CC2D2A: variants seen among roughly 807,000 people sequenced by gnomAD.
The protein encoded by CC2D2A is coiled-coil and C2 domain-containing protein 2A.
In CC2D2A, 155 loss-of-function variants were observed where a neutral mutation model predicts 212.9. The ratio of observed to expected loss-of-function variants is 0.73; its 90% CI spans 0.64 to 0.83. The LOEUF is 0.83. Among genes scored for constraint, CC2D2A ranks in the 40% least tolerant of loss-of-function variants. CC2D2A has a pLI of 0.00. For synonymous variants in CC2D2A, 667 were observed against 686.5 expected, an observed-to-expected ratio of 0.97 and a Z score of 0.44; for missense variants, 1,856 against 1,956.2, an observed-to-expected ratio of 0.95 and a Z score of 0.97.
chr4:15,534,508 A>G (rs1718017862), intron 14 of CC2D2A, among the ~76,000 whole-genome samples: 1 of 152,136 alleles, frequency 6.6e-6, no homozygotes, highest in Admixed American at 6.5e-5. Flanking sequence ...AGCTTTGATA[A>G]TATTTCTGCT....
chr4:15,481,608 C>T (rs749447500), intron 4 of CC2D2A: 17 of 182,504 alleles, frequency 9.3e-5, no homozygotes, highest in Non-Finnish European at 1.5e-4. Flanking sequence ...CCCCTTCTGA[C>T]ATAAGTGAAA....
intron 1 of CC2D2A, among the ~76,000 whole-genome samples, chr4:15,472,101 G>A (rs1713867887): frequency 6.6e-6 from 1 of 152,182 alleles, no homozygotes; most frequent in East Asian, 1.9e-4. Flanking sequence ...GCAAAAGCAA[G>A]AATAAATGGT....
At chr4:15,500,131 A>G (rs1338016595) in intron 4 of CC2D2A, among the ~76,000 whole-genome samples, 3 of 134,132 alleles carry the variant, frequency 2.2e-5, no homozygotes, top group Non-Finnish European at 3.3e-5. Flanking sequence ...ATATATATAT[A>G]TGTATTTTTT....
At chr4:15,587,710 T>A (rs1036431368) in intron 31 of CC2D2A, 106 bp from the exon 32 acceptor site, 3 of 619,080 alleles carry the variant, frequency 4.8e-6, no homozygotes, top group African/African-American at 3.7e-5. Context: ...TTATAGGTCT[T>A]ACACTTCAAG....
rs188877386 is a variant in CC2D2A at position 15,525,875 on chromosome 4, A to G, written c.1150-1572A>G. ...CTTTTTATACTTGGTTGGGCTAAGC[A>G]AAAAGCAGAGACCACCAGCAATTAT... On this transcript the variant is annotated intron_variant, in intron 11 of 36. Coordinates refer to ENST00000424120, the MANE Select transcript of CC2D2A (RefSeq NM_001378615.1). 7.2e-5 allele frequency among the ~76,000 whole-genome samples: 11 copies of G among 152,320 alleles called. No individual in the cohort carries two copies. The East Asian group carries it at 2.1e-3, about 29-fold the overall frequency.
chr4:15,569,502 T>C, intron 27 of CC2D2A, 113 bp downstream of exon 27: 1 of 640,962 alleles, frequency 1.6e-6, no homozygotes, highest in Non-Finnish European at 2.8e-6. Context: ...GATCCTTTCT[T>C]GGATATCACA....
chr4:15,559,273 T>C lies in CC2D2A; in HGVS notation c.2922+16T>C, dbSNP rs767460385. The C allele has an allele frequency of 1.7e-5, 26 of 1,488,370 alleles. No homozygotes were observed. The South Asian group carries it at 3.0e-4, about 17-fold the overall frequency. The allele number at this position is 1,488,370 out of a possible 1,614,324, so 92.2% of individuals were successfully genotyped here. ...CCTCCAGCAGGTAAGAAAAATCATA[T>C]AAAACTGTCTTCATAGGGAGAAAAG... On this transcript the variant is annotated intron_variant, in intron 22 of 36. Transcript: ENST00000424120.
At chr4:15,536,873 T>G (rs769888048) in intron 14 of CC2D2A, 47 bp from the exon 15 acceptor site, 1 of 1,574,736 alleles carries the variant, frequency 6.4e-7, no homozygotes, top group Non-Finnish European at 8.7e-7. Context: ...TATTGCTCTC[T>G]TACTTAATTT....
Position 15,527,635 on chromosome 4 carries a change from G to A in CC2D2A, c.1338G>A (p.Lys446=). The A allele has an allele frequency of 6.2e-7, 1 of 1,608,884 alleles. No individual in the cohort carries two copies. The highest frequency in any genetic ancestry group is 8.5e-7 in the Non-Finnish European group (1 of 1,177,322). ...ACCTTGCAAGACACCAGAGAAACAA[G>A]GCGAAATTTCTTACTGATAAGGTAC... ...DQYLARHQRN[K]AKFLTDKLQA... The change falls in exon 12 of 37, where the codon AAG becomes AAA. Residue 446 remains lysine, a synonymous_variant. Transcript: ENST00000424120.
At chr4:15,530,352 G>T (rs1717783987) in intron 13 of CC2D2A, among the ~76,000 whole-genome samples, 1 of 152,108 alleles carries the variant, frequency 6.6e-6, no homozygotes, top group Non-Finnish European at 1.5e-5. Context: ...AATTAGTGAA[G>T]TTTGTAACCT....
At chr4:15,472,463 T>C (rs1177876252) in intron 1 of CC2D2A, among the ~76,000 whole-genome samples, 1 of 152,166 alleles carries the variant, frequency 6.6e-6, no homozygotes, top group Non-Finnish European at 1.5e-5. Context: ...AGTGTTCATA[T>C]AAAAAATAAA....
chr4:15,571,403 G>A (rs759042944), intron 28 of CC2D2A, among the ~76,000 whole-genome samples: 7 of 152,192 alleles, frequency 4.6e-5, no homozygotes, highest in Admixed American at 1.3e-4. Flanking sequence ...TTCTGAAATC[G>A]CTTTGAAGTC....
At chr4:15,543,256 G>A (rs1718550849) in intron 17 of CC2D2A, among the ~76,000 whole-genome samples, 1 of 152,058 alleles carries the variant, frequency 6.6e-6, no homozygotes, top group Non-Finnish European at 1.5e-5. Flanking sequence ...TTAGAATTTG[G>A]CTTAGTCTTG....
chr4:15,562,854 T>C (rs534516434), intron 23 of CC2D2A, among the ~76,000 whole-genome samples: 1 of 152,284 alleles, frequency 6.6e-6, no homozygotes, highest in African/African-American at 2.4e-5. Context: ...ACACCCACTG[T>C]CATGTGAAGG....
intron 30 of CC2D2A, among the ~76,000 whole-genome samples, chr4:15,583,906 G>A (rs1479502314): frequency 6.6e-6 from 1 of 150,544 alleles, no homozygotes; most frequent in Non-Finnish European, 1.5e-5. Flanking sequence ...AGCCAGGATC[G>A]TGCCACTACA....
At chr4:15,534,151 G>A (rs1354021413) in intron 14 of CC2D2A, among the ~76,000 whole-genome samples, 1 of 152,088 alleles carries the variant, frequency 6.6e-6, no homozygotes, top group Admixed American at 6.6e-5. Flanking sequence ...CAAGGCTTTG[G>A]TCACTTTTTG....
chr4:15,517,970 G>T lies in CC2D2A; in HGVS notation c.1149+1214G>T, dbSNP rs530429350. Among the ~76,000 whole-genome samples the T allele has an allele frequency of 7.9e-5, 12 of 152,182 alleles. No individual in the cohort carries two copies. The East Asian group carries it at 2.3e-3, about 29-fold the overall frequency. On this transcript the variant is annotated intron_variant, in intron 11 of 36. Transcript: ENST00000424120. ...CATTCACTATCATGAGAACAGTGCA[G>T]GAAAGACCCACCCCCATAATTCAAT...
In CC2D2A at chr4:15,527,892, C is replaced by A. The variant is rs1424533050; in HGVS notation, c.1359+236C>A. 6.6e-5 allele frequency among the ~76,000 whole-genome samples: 10 copies of A among 152,318 alleles called. No individual in the cohort carries two copies. The East Asian group carries it at 1.9e-3, about 29-fold the overall frequency. On this transcript the variant is annotated intron_variant, in intron 12 of 36. Transcript: ENST00000424120. ...CCCTAAACAGAAGACTTTCTGTAAA[C>A]AGTACAGCACCCACCAGAAGTGGGT...
chr4:15,574,044 G>A (rs1720286061), intron 28 of CC2D2A, 106 bp from the exon 29 acceptor site: 8 of 921,086 alleles, frequency 8.7e-6, no homozygotes. Context: ...ATGCCAGTCT[G>A]AGCAATTTTG....
Sources: gnomAD v4.1 joint callset for allele counts (sites outside exome capture counted in the v4.1 genomes callset) on GRCh38, gnomAD v4.1.1 for gene constraint, MANE v1.5 for transcripts, NCBI Gene and HGNC (gene_info 2026-07-23, HGNC 2026-07-21) for gene names.